Variants in NBEAL1 observed in about 807,000 individuals in gnomAD.
The protein encoded by NBEAL1 is neurobeachin-like protein 1.
In NBEAL1, 273 loss-of-function variants were observed where a neutral mutation model predicts 351.3. The ratio of observed to expected loss-of-function variants is 0.78; its 90% CI spans 0.70 to 0.86. The LOEUF (loss-of-function observed/expected upper bound fraction) is 0.86. NBEAL1 is among the 40% of genes least tolerant of loss of function. The pLI, the probability that NBEAL1 is intolerant of heterozygous loss-of-function variation, is 0.00. For synonymous variants in NBEAL1, 1,050 were observed against 1,086.4 expected (o/e 0.97, Z 0.66); for missense variants, 2,961 against 3,201.3 (o/e 0.92, Z 1.81).
Position 203,127,945 on chromosome 2 carries a change from G to A in NBEAL1, c.3405+8G>A. On this transcript the variant is annotated splice_region_variant and intron_variant, in intron 24 of 55. Coordinates refer to ENST00000683969, the MANE Select transcript of NBEAL1 (RefSeq NM_001378026.1). The stretch of plus-strand genomic sequence containing the variant: ...ACTAATGAAGAAGAACAGGTATTAT[G>A]CCTAAGATACATCTACTTTTCCTTT... 1 of 1,541,996 alleles carries A rather than the reference G, an allele frequency of 6.5e-7. No individual in the cohort carries two copies.
Position 203,209,110 on chromosome 2 carries a change from T to G in NBEAL1, c.7624-51T>G, listed in dbSNP as rs750056173. 4.9e-6 allele frequency: 7 copies of G among 1,439,094 alleles called. No homozygotes were observed. In the Admixed American group the frequency reaches 5.5e-5, roughly 11 times the overall value. 89.1% of individuals were successfully genotyped at this position (1,439,094 alleles called of 1,614,324 possible). ...GGCCCACTCTACTTTTATTCTTTTT[T>G]GCTGTTCTTTTCCTTTGTCTTTTTC... is the stretch of plus-strand genomic sequence containing the variant. On this transcript the variant is annotated intron_variant, in intron 52 of 55. Coordinates refer to ENST00000683969, the MANE Select transcript of NBEAL1 (RefSeq NM_001378026.1).
At chr2:203,064,076 C>CA (rs1250767156) in intron 6 of NBEAL1, among the ~76,000 whole-genome samples, 4 of 152,020 alleles carry the variant, frequency 2.6e-5, no homozygotes, top group Non-Finnish European at 2.9e-5. Context: ...TGTTTTGAGA[C>CA]AGAGTCTTGC....
At chr2:203,212,737 C>T (rs1179005000) in intron 54 of NBEAL1, among the ~76,000 whole-genome samples, 6 of 151,984 alleles carry the variant, frequency 3.9e-5, no homozygotes, top group Middle Eastern at 3.4e-3. Flanking sequence ...AGGATTAGCA[C>T]GGATCTGAGT....
intron 17 of NBEAL1, among the ~76,000 whole-genome samples, chr2:203,114,711 A>G (rs2062650420): frequency 6.6e-6 from 1 of 152,042 alleles, no homozygotes; most frequent in East Asian, 1.9e-4. Context: ...CACATTTCAG[A>G]CTTTATATTA....
chr2:203,117,786 G>A (rs1384820597), intron 18 of NBEAL1, among the ~76,000 whole-genome samples: 1 of 151,816 alleles, frequency 6.6e-6, no homozygotes, highest in African/African-American at 2.4e-5. Context: ...AGCTTAAGTA[G>A]TCCTCCCACC....
intron 45 of NBEAL1, among the ~76,000 whole-genome samples, chr2:203,189,802 C>T (rs545253061): frequency 6.6e-6 from 1 of 151,922 alleles, no homozygotes; most frequent in South Asian, 2.1e-4. Context: ...TACCTTTTCA[C>T]AATGTTGTAA....
rs749745912 is a variant in NBEAL1 at position 203,136,078 on chromosome 2, T to C, written c.4215T>C (p.Ser1405=). 6.2e-7 allele frequency: 1 copy of C among 1,613,850 alleles called. No homozygotes were observed. ...SNPSHLSLDL[S]GIDSCEMSDS... Reference sequence around the variant, plus strand: ...CTTCACATTTGAGTTTAGACCTCAGTGGAATTGACTCATGTGAAATGAGTG... The same window carrying C: ...CTTCACATTTGAGTTTAGACCTCAGCGGAATTGACTCATGTGAAATGAGTG... Residue 1405 remains serine, a synonymous_variant, in exon 28 of 56, where the codon AGT becomes AGC. Transcript: ENST00000683969.
At chr2:203,044,794 T>G (rs935590922) in intron 3 of NBEAL1, among the ~76,000 whole-genome samples, 3 of 152,144 alleles carry the variant, frequency 2.0e-5, no homozygotes, top group African/African-American at 7.2e-5. Flanking sequence ...TAAACTGACC[T>G]TAGAGAATTC....
At chr2:203,172,279 G>C (rs1265250032) in intron 40 of NBEAL1, among the ~76,000 whole-genome samples, 11 of 152,118 alleles carry the variant, frequency 7.2e-5, no homozygotes, top group Non-Finnish European at 1.0e-4. Context: ...CCAGCACTTT[G>C]GGAAGCCAAG....
At chr2:203,136,944 A>C (rs922064272) in intron 29 of NBEAL1, among the ~76,000 whole-genome samples, 170 bp downstream of exon 29, 5 of 152,196 alleles carry the variant, frequency 3.3e-5, no homozygotes, top group African/African-American at 1.2e-4. Context: ...GTAGGATCTA[A>C]AGAGGAATCC....
rs2063185248 is a variant in NBEAL1 at position 203,135,718 on chromosome 2, A to T, written c.3855A>T (p.Gln1285His). 1 of 1,556,798 alleles carries T rather than the reference A, an allele frequency of 6.4e-7. No homozygotes were observed. The highest frequency in any genetic ancestry group is 1.2e-5 in the South Asian group (1 of 83,636). The stretch of plus-strand genomic sequence containing the variant: ...AGTTCCAGCCAGATGCAGCACATCA[A>T]ATATCACAGCAAGTGGGTTGGCAAG... ...ILQFQPDAAH[Q>H]ISQQVGWQDT... Residue 1285 changes from glutamine to histidine, a missense_variant, in exon 28 of 56, where the codon CAA (glutamine) becomes CAT (histidine). Coordinates refer to ENST00000683969, the MANE Select transcript of NBEAL1 (RefSeq NM_001378026.1).
Position 203,197,356 on chromosome 2 carries a change from C to T in NBEAL1, c.7093C>T (p.Arg2365Cys), listed in dbSNP as rs267599166. ...LKATIPKNQY[R>C]SFMSQGSPEL... ...GGCCACCATCCCCAAAAATCAGTAT[C>T]GTTCTTTTATGTCTCAAGGCAGCCC... The change falls in exon 48 of 56, where the codon CGT becomes TGT. Residue 2365 changes from arginine to cysteine, a missense_variant. Transcript: ENST00000683969. 12 of 1,603,804 alleles carry T rather than the reference C, an allele frequency of 7.5e-6. No individual in the cohort carries two copies. The highest frequency in any genetic ancestry group is 5.0e-5 in the Admixed American group (3 of 59,946).
intron 4 of NBEAL1, among the ~76,000 whole-genome samples, chr2:203,055,581 G>A (rs2061389998): frequency 6.6e-6 from 1 of 150,506 alleles, no homozygotes. Flanking sequence ...CTCTAGTCTG[G>A]GCAACCGAGC....
chr2:203,178,148 CCTTTTTTTTTTCTTTTTT>C (rs999082283), intron 42 of NBEAL1, among the ~76,000 whole-genome samples: 15 of 93,278 alleles, frequency 1.6e-4, no homozygotes, highest in Non-Finnish European at 4.3e-4. Flanking sequence ...TTCATACCAG[CCTTTTTTTTTTCTTTTTT>C]CTTTTTTTTT....
At chr2:203,140,334 T>C (rs891985073) in intron 31 of NBEAL1, among the ~76,000 whole-genome samples, 6 of 150,644 alleles carry the variant, frequency 4.0e-5, no homozygotes, top group Non-Finnish European at 8.9e-5. Context: ...CACAAAAGCA[T>C]AGAGGAAAAA....
In NBEAL1 at chr2:203,016,557, CTT is replaced by C. The variant is rs1392962780; in HGVS notation, c.51+123_51+124del. 5.4e-6 allele frequency: 3 copies of C among 551,226 alleles called. No individual in the cohort carries two copies. In the African/African-American group the frequency reaches 5.8e-5, roughly 11 times the overall value. The allele number at this position is 551,226 out of a possible 1,614,324, so 34.1% of individuals were successfully genotyped here. On this transcript the variant is annotated intron_variant, in intron 2 of 55. Coordinates refer to ENST00000683969, the MANE Select transcript of NBEAL1 (RefSeq NM_001378026.1). ...TTTAGTCATAATGAATAACCCCAAA[CTT>C]AAAAGCGTTTAAAGGATTTTCTGTT...
At chr2:203,132,913 A>AT (rs1325688686) in intron 26 of NBEAL1, 145 bp from the exon 27 acceptor site, 7 of 534,472 alleles carry the variant, frequency 1.3e-5, no homozygotes, top group Non-Finnish European at 2.3e-5. Context: ...TTCTAAACCT[A>AT]TTTTTTCTTT....
At chr2:203,056,242 C>T (rs903429004) in intron 4 of NBEAL1, among the ~76,000 whole-genome samples, 185 bp from the exon 5 acceptor site, 2 of 152,198 alleles carry the variant, frequency 1.3e-5, no homozygotes, top group African/African-American at 4.8e-5. Flanking sequence ...TAGTTAAATG[C>T]TGCTTGAGTT....
In NBEAL1 at chr2:203,113,023, T is replaced by C. The variant is rs1300449439; in HGVS notation, c.2211T>C (p.Thr737=). Residue 737 remains threonine (T), a synonymous_variant, in exon 17 of 56, where the codon ACT becomes ACC. Coordinates refer to ENST00000683969, the MANE Select transcript of NBEAL1 (RefSeq NM_001378026.1). ...LRFPAMNEPF[T]SCCIGSAGQR... The stretch of plus-strand genomic sequence containing the variant: ...TGTTTGTTTGTTTTTAGCCCTTTAC[T>C]TCCTGTTGCATTGGTTCAGCTGGGC... 6.8e-7 allele frequency: 1 copy of C among 1,467,862 alleles called. No homozygotes were observed. The highest frequency in any genetic ancestry group is 1.4e-5 in the African/African-American group (1 of 70,296). The allele number at this position is 1,467,862 out of a possible 1,614,324, so 90.9% of individuals were successfully genotyped here. A position where few individuals can be genotyped will look rare whatever the true frequency, so the allele number is the denominator to read the frequency against.
Sources: allele counts gnomAD v4.1 joint callset (sites outside exome capture counted in the v4.1 genomes callset), GRCh38; gene constraint gnomAD v4.1.1; transcripts MANE v1.5; gene names NCBI Gene and HGNC (gene_info 2026-07-23, HGNC 2026-07-21).